Variants in EGFR observed in about 807,000 individuals in gnomAD.
EGFR encodes epidermal growth factor receptor, also known as avian erythroblastic leukemia viral (v-erb-b) oncogene homolog.
A neutral mutation model predicts 143.0 loss-of-function variants in EGFR; 58 were observed. That is an observed-to-expected ratio of 0.41 (90% CI 0.33 to 0.50). The LOEUF is 0.50. Ranked by LOEUF, EGFR falls within the 20% of genes least tolerant of loss-of-function variation. EGFR has a pLI of 0.39. For synonymous variants in EGFR, 613 were observed against 594.4 expected (o/e 1.03, Z -0.45); for missense variants, 1,307 against 1,579.0 (o/e 0.83, Z 2.92).
At chr7:55,055,789 CCTT>C (rs1328673688) in intron 1 of EGFR, among the ~76,000 whole-genome samples, 3 of 152,042 alleles carry the variant, frequency 2.0e-5, no homozygotes, top group Admixed American at 2.0e-4. Flanking sequence ...ATCTTGAACT[CCTT>C]CGAGTGTGAG....
In EGFR at chr7:55,141,487, G is replaced by C. The variant is rs114423046; in HGVS notation, c.89-799G>C. ...TGGTGAGGGAAGTAACTGTGCCTCC[G>C]CCTGTGCTGGGTGGATCAACATGGA... On this transcript the variant is annotated intron_variant, in intron 1 of 27. Transcript: ENST00000275493. Among the ~76,000 whole-genome samples the C allele has an allele frequency of 2.6e-4, 39 of 152,224 alleles. 1 individual carries two copies. The highest frequency in any genetic ancestry group is 7.5e-4 in the African/African-American group (31 of 41,548).
chr7:55,189,135 T>C (rs904763495), intron 20 of EGFR, among the ~76,000 whole-genome samples: 4 of 151,942 alleles, frequency 2.6e-5, no homozygotes, highest in Non-Finnish European at 4.4e-5. Context: ...TATATACACA[T>C]ATACATATAT....
intron 1 of EGFR, among the ~76,000 whole-genome samples, chr7:55,098,411 C>T (rs921701856): frequency 6.6e-6 from 1 of 151,978 alleles, no homozygotes; most frequent in African/African-American, 2.4e-5. Flanking sequence ...ATGGCAACTC[C>T]ATAGAATGAA....
intron 12 of EGFR, among the ~76,000 whole-genome samples, chr7:55,161,194 A>G (rs1785679923): frequency 6.6e-6 from 1 of 152,216 alleles, no homozygotes. Context: ...CCATTGCCAA[A>G]GGGGAGGACT....
At chr7:55,047,925 C>T (rs929793486) in intron 1 of EGFR, among the ~76,000 whole-genome samples, 25 of 151,986 alleles carry the variant, frequency 1.6e-4, no homozygotes, top group African/African-American at 5.8e-4. Flanking sequence ...AATACTATAA[C>T]CTCTATATCT....
intron 1 of EGFR, among the ~76,000 whole-genome samples, chr7:55,093,381 C>T (rs911639476): frequency 2.0e-5 from 3 of 152,302 alleles, no homozygotes; most frequent in South Asian, 2.1e-4. Flanking sequence ...TACTCTACCT[C>T]GTTTTGGAAT....
intron 1 of EGFR, among the ~76,000 whole-genome samples, chr7:55,117,505 G>A (rs915493798): frequency 6.6e-6 from 1 of 152,180 alleles, no homozygotes; most frequent in African/African-American, 2.4e-5. Context: ...TGCCCTAGGA[G>A]GATATTTGAT....
chr7:55,114,009 C>G (rs144171607), intron 1 of EGFR, among the ~76,000 whole-genome samples: 7 of 152,338 alleles, frequency 4.6e-5, no homozygotes, highest in Middle Eastern at 6.8e-3. Context: ...GTGGGAAGCA[C>G]TGCTCCACAG....
rs989083320 is a variant in EGFR, at chr7:55,019,063, C to T, written c.-215C>T. 7 of 269,144 alleles carry T rather than the reference C, an allele frequency of 2.6e-5. No homozygotes were observed. The highest frequency in any genetic ancestry group is 4.1e-5 in the Non-Finnish European group (6 of 146,362). The allele number at this position is 269,144 out of a possible 1,614,324, so 16.7% of individuals were successfully genotyped here. On this transcript the variant is annotated 5_prime_UTR_variant, in exon 1 of 28. Coordinates refer to ENST00000275493, the MANE Select transcript of EGFR (RefSeq NM_005228.5). ...CGCAGCGCGGCCGCAGCAGCCTCCG[C>T]CCCCCGCACGGTGTGAGCGCCCGAC... is the stretch of plus-strand genomic sequence containing the variant.
At position 55,166,307 on chromosome 7, in the gene EGFR, CACTT is replaced by C. The variant is rs753421396; in HGVS notation, c.1880+875_1880+878del. ...AGTTGAGCTGTCATATAGTAGTTCA[CACTT>C]ACTTCTGTTTCTCAAAATCCTCAGC... On this transcript the variant is annotated intron_variant, in intron 15 of 27. Transcript: ENST00000275493. 5.4e-5 allele frequency: 31 copies of C among 576,612 alleles called. No homozygotes were observed. The East Asian group carries it at 1.0e-3, about 19-fold the overall frequency. The allele number at this position is 576,612 out of a possible 1,614,324, so 35.7% of individuals were successfully genotyped here. A position where few individuals can be genotyped will look rare whatever the true frequency, so the allele number is the denominator to read the frequency against.
At chr7:55,121,330 T>C (rs1221840078) in intron 1 of EGFR, among the ~76,000 whole-genome samples, 1 of 152,322 alleles carries the variant, frequency 6.6e-6, no homozygotes, top group Admixed American at 6.5e-5. Context: ...TCTTTCAGAA[T>C]CCATTTCAAC....
intron 27 of EGFR, 83 bp from the exon 28 acceptor site, chr7:55,205,173 A>T: frequency 6.4e-7 from 1 of 1,571,456 alleles, no homozygotes; most frequent in Non-Finnish European, 8.6e-7. Flanking sequence ...TGTTGAGGAC[A>T]TTCACAGGGT....
chr7:55,178,059 C>A (rs980318956), intron 19 of EGFR, among the ~76,000 whole-genome samples: 2 of 152,198 alleles, frequency 1.3e-5, no homozygotes, highest in African/African-American at 4.8e-5. Flanking sequence ...CACCCACGCC[C>A]CCCGCTCTGC....
intron 15 of EGFR, among the ~76,000 whole-genome samples, chr7:55,168,102 T>C (rs944794558): frequency 1.3e-5 from 2 of 152,232 alleles, no homozygotes; most frequent in Non-Finnish European, 2.9e-5. Context: ...ATTTTCGCCT[T>C]TGGGTATACC....
chr7:55,049,568 G>A (rs1042763163), intron 1 of EGFR, among the ~76,000 whole-genome samples: 1 of 151,964 alleles, frequency 6.6e-6, no homozygotes, highest in African/African-American at 2.4e-5. Flanking sequence ...TATCTGGGGG[G>A]CCTTGCTGTC....
intron 19 of EGFR, chr7:55,181,034 G>T: frequency 1.7e-6 from 1 of 579,170 alleles, no homozygotes; most frequent in East Asian, 2.9e-5. Context: ...GCTCCTCATG[G>T]CCACTGTTGC....
intron 4 of EGFR, among the ~76,000 whole-genome samples, chr7:55,149,378 C>T (rs376739905): frequency 6.6e-6 from 1 of 152,040 alleles, no homozygotes; most frequent in Non-Finnish European, 1.5e-5. Flanking sequence ...CACACACACA[C>T]GCACACATAC....
intron 14 of EGFR, among the ~76,000 whole-genome samples, 161 bp downstream of exon 14, chr7:55,163,984 G>A (rs949953356): frequency 2.0e-5 from 3 of 152,364 alleles, no homozygotes; most frequent in East Asian, 3.9e-4. Flanking sequence ...CGGGCAGGGT[G>A]TCGGTGACAT....
chr7:55,047,830 C>T (rs1156699078), intron 1 of EGFR, among the ~76,000 whole-genome samples: 7 of 152,238 alleles, frequency 4.6e-5, no homozygotes, highest in Non-Finnish European at 8.8e-5. Flanking sequence ...TTTCATGACA[C>T]GGCTAGAGAA....
Sources: gnomAD v4.1 joint callset for allele counts (sites outside exome capture counted in the v4.1 genomes callset) on GRCh38, gnomAD v4.1.1 for gene constraint, MANE v1.5 for transcripts, NCBI Gene and HGNC (gene_info 2026-07-23, HGNC 2026-07-21) for gene names.